The following MAF variants were observed in gnomAD, a reference collection of about 807,000 sequenced individuals.
MAF encodes the protein transcription factor Maf.
In MAF, 10 loss-of-function variants were observed where a neutral mutation model predicts 22.0. The observed-to-expected ratio is 0.45, with a 90% CI of 0.28 to 0.77. The LOEUF (loss-of-function observed/expected upper bound fraction) is 0.77, where lower values mean the gene tolerates loss of function less well. Ranked by LOEUF, MAF falls within the 30% of genes least tolerant of loss-of-function variation. MAF has a pLI of 0.12. For missense variants in MAF, 544 were observed against 548.4 expected, an observed-to-expected ratio of 0.99 and a Z score of 0.08; for synonymous variants, 337 against 255.8, an observed-to-expected ratio of 1.32 and a Z score of -3.03.
chr16:79,529,661 G>A, the MAF span, among the ~76,000 whole-genome samples: 9 of 152,102 alleles, frequency 5.9e-5, no homozygotes, highest in Non-Finnish European at 1.2e-4. Flanking sequence ...TACAAAGCAT[G>A]CAATAAATAT....
the MAF span, among the ~76,000 whole-genome samples, chr16:79,358,428 T>G: frequency 6.6e-6 from 1 of 152,124 alleles, no homozygotes; most frequent in East Asian, 1.9e-4. Flanking sequence ...TTATTTTTAA[T>G]TTTGATGACG....
At chr16:79,450,578 T>C in the MAF span, among the ~76,000 whole-genome samples, 1 of 152,218 alleles carries the variant, frequency 6.6e-6, no homozygotes, top group African/African-American at 2.4e-5. Flanking sequence ...GAAGATATTG[T>C]ATTGTGATTC....
At chr16:79,550,878 C>T in the MAF span, among the ~76,000 whole-genome samples, 1 of 152,112 alleles carries the variant, frequency 6.6e-6, no homozygotes, top group Non-Finnish European at 1.5e-5. Context: ...ACAGATGGCT[C>T]ACGAAATACC....
At chr16:79,353,176 C>T in the MAF span, among the ~76,000 whole-genome samples, 1 of 151,582 alleles carries the variant, frequency 6.6e-6, no homozygotes, top group Non-Finnish European at 1.5e-5. Context: ...GGCTGGAGAG[C>T]AGCTGCGCAA....
At chr16:79,366,930 T>A in the MAF span, among the ~76,000 whole-genome samples, 57 of 152,342 alleles carry the variant, frequency 3.7e-4, no homozygotes, top group African/African-American at 1.3e-3. Flanking sequence ...AAAGTGTGTA[T>A]CTCAGGGCTT....
At chr16:79,416,580 G>A in the MAF span, among the ~76,000 whole-genome samples, 8 of 151,486 alleles carry the variant, frequency 5.3e-5, no homozygotes, top group African/African-American at 1.7e-4. Context: ...TAAATATCCA[G>A]GAGGGAGTGG....
chr16:79,492,228 G>A, the MAF span, among the ~76,000 whole-genome samples: 1 of 152,264 alleles, frequency 6.6e-6, no homozygotes, highest in South Asian at 2.1e-4. Context: ...AGGCAGGGAG[G>A]CATTTATGAG....
chr16:79,450,000 A>G, the MAF span, among the ~76,000 whole-genome samples: 1 of 152,238 alleles, frequency 6.6e-6, no homozygotes, highest in Non-Finnish European at 1.5e-5. Context: ...AGACGCCGCT[A>G]AAACAATTGC....
chr16:79,229,139 C>A, the MAF span, among the ~76,000 whole-genome samples: 1,414 of 19,440 alleles, frequency 0.073, 25 homozygotes, highest in African/African-American at 0.16. Flanking sequence ...AAACATAGAC[C>A]CCCCCCAACA....
the MAF span, among the ~76,000 whole-genome samples, chr16:79,321,029 C>T: frequency 2.0e-5 from 3 of 152,188 alleles, no homozygotes; most frequent in Admixed American, 6.5e-5. Context: ...AGTCTGATCT[C>T]GATCTCTTTT....
At chr16:79,590,898 A>G (rs2143732044), downstream of MAF, among the ~76,000 whole-genome samples, 1 of 152,208 alleles carries the variant, frequency 6.6e-6, no homozygotes. Flanking sequence ...CTTCTGCAGA[A>G]TTCCTCCAAC....
At chr16:79,575,584 G>T in the MAF span, among the ~76,000 whole-genome samples, 4 of 152,294 alleles carry the variant, frequency 2.6e-5, no homozygotes, top group East Asian at 7.7e-4. Context: ...TTTAGGGTGG[G>T]ACCCAGGGGT....
the MAF span, among the ~76,000 whole-genome samples, chr16:79,366,338 G>C: frequency 0.32 from 48,202 of 152,204 alleles, 9,156 homozygotes; most frequent in Non-Finnish European, 0.44. Context: ...TATAGGCAGG[G>C]TTAGAGCCTA....
chr16:79,372,569 G>A, the MAF span, among the ~76,000 whole-genome samples: 3 of 152,208 alleles, frequency 2.0e-5, no homozygotes, highest in Non-Finnish European at 2.9e-5. Context: ...ACGCTGTAAT[G>A]TCTTAGCCGT....
At chr16:79,262,079 AG>A in the MAF span, among the ~76,000 whole-genome samples, 1 of 152,200 alleles carries the variant, frequency 6.6e-6, no homozygotes, top group African/African-American at 2.4e-5. Flanking sequence ...CAGAATGGCC[AG>A]GGAGGGGGCT....
At chr16:79,252,489 A>AT in the MAF span, among the ~76,000 whole-genome samples, 2 of 150,990 alleles carry the variant, frequency 1.3e-5, no homozygotes, top group South Asian at 2.1e-4. Flanking sequence ...CCTGGTTTCG[A>AT]TTTTTTTTCT....
chr16:79,475,005 T>A, the MAF span, among the ~76,000 whole-genome samples: 1 of 152,226 alleles, frequency 6.6e-6, no homozygotes, highest in African/African-American at 2.4e-5. Flanking sequence ...TAGCAGAAGA[T>A]GTTCATTCTG....
the MAF span, among the ~76,000 whole-genome samples, chr16:79,568,004 A>C: frequency 6.6e-6 from 1 of 152,234 alleles, no homozygotes; most frequent in East Asian, 1.9e-4. Flanking sequence ...TTACAGAATG[A>C]TAATCAGGCA....
the MAF span, among the ~76,000 whole-genome samples, chr16:79,485,371 G>T: frequency 6.6e-6 from 1 of 152,156 alleles, no homozygotes; most frequent in Admixed American, 6.5e-5. Context: ...TTCCTTCTCT[G>T]TCACCCATTT....
Sources: allele counts gnomAD v4.1 joint callset (sites outside exome capture counted in the v4.1 genomes callset), GRCh38; gene constraint gnomAD v4.1.1; transcripts MANE v1.5; gene names NCBI Gene and HGNC (gene_info 2026-07-23, HGNC 2026-07-21).